F13A1: variants seen among roughly 807,000 people sequenced by gnomAD.
F13A1 encodes FSF, A subunit.
F13A1 carries 47 observed loss-of-function variants against 80.1 expected under a neutral mutation model. The ratio of observed to expected loss-of-function variants is 0.59; its 90% CI spans 0.46 to 0.75. The LOEUF (loss-of-function observed/expected upper bound fraction) is 0.75. Among genes scored for constraint, F13A1 ranks in the 30% least tolerant of loss-of-function variants. F13A1 has a pLI of 0.00. For missense variants in F13A1, 817 were observed against 930.4 expected (o/e 0.88, Z 1.59); for synonymous variants, 349 against 344.9 (o/e 1.01, Z -0.13).
At chr6:6,311,837 T>C (rs956145891) in intron 2 of F13A1, among the ~76,000 whole-genome samples, 1 of 11,386 alleles carries the variant, frequency 8.8e-5, no homozygotes, top group Non-Finnish European at 1.5e-4. Context: ...AAGCAAACTA[T>C]ATATTTGTTT....
intron 5 of F13A1, 76 bp from the exon 6 acceptor site, chr6:6,248,495 T>G: frequency 1.8e-6 from 2 of 1,113,194 alleles, no homozygotes; most frequent in Non-Finnish European, 2.7e-6. Context: ...AAAAATAACA[T>G]GAAACCACAA....
intron 13 of F13A1, among the ~76,000 whole-genome samples, chr6:6,161,363 C>T (rs1433886415): frequency 6.6e-6 from 1 of 152,166 alleles, no homozygotes; most frequent in East Asian, 1.9e-4. Flanking sequence ...CATTTACCAA[C>T]AGCTACTAGG....
At position 6,174,795 on chromosome 6, in the gene F13A1, C is replaced by A. The variant is rs1561643584; in HGVS notation, c.1532G>T (p.Gly511Val). The A allele has an allele frequency of 2.5e-6, 4 of 1,614,174 alleles. No individual in the cohort carries two copies. The highest frequency in any genetic ancestry group is 3.4e-6 in the Non-Finnish European group (4 of 1,180,038). Reference sequence around the variant, plus strand: ...AACGTTGGACCTTGATTTCATGACACCTTCTGTGTTGAGGGGCTTTTTAGC... The same window carrying A: ...AACGTTGGACCTTGATTTCATGACAACTTCTGTGTTGAGGGGCTTTTTAGC... ...YGAKKPLNTE[G>V]VMKSRSNVDM... is the part of the protein sequence containing the mutation. Residue 511 changes from glycine (G) to valine (V), a missense_variant, in exon 12 of 15, where the codon GGT becomes GTT. Physicochemically the swap from Gly to Val is moderately radical, Grantham distance 109. Coordinates refer to ENST00000264870, the MANE Select transcript of F13A1 (RefSeq NM_000129.4).
intron 14 of F13A1, among the ~76,000 whole-genome samples, chr6:6,148,498 A>T (rs1760322858): frequency 1.3e-5 from 2 of 152,182 alleles, no homozygotes; most frequent in South Asian, 4.1e-4. Flanking sequence ...GTATTCTAGA[A>T]AGAAATACGG....
At chr6:6,284,224 T>C (rs1758105497) in intron 3 of F13A1, among the ~76,000 whole-genome samples, 1 of 152,222 alleles carries the variant, frequency 6.6e-6, no homozygotes, top group South Asian at 2.1e-4. Flanking sequence ...AAAATTTGGC[T>C]AACACTCCAC....
At chr6:6,220,457 C>A (rs191736164) in intron 8 of F13A1, among the ~76,000 whole-genome samples, 13 of 152,144 alleles carry the variant, frequency 8.5e-5, no homozygotes, top group Admixed American at 7.9e-4. Context: ...GTAGGAGTGC[C>A]TCATAGGGAC....
Position 6,175,534 on chromosome 6 carries a change from C to T in F13A1, c.1460-667G>A, listed in dbSNP as rs185222903. 1.8e-3 allele frequency among the ~76,000 whole-genome samples: 267 copies of T among 152,308 alleles called. 2 individuals are homozygous for T. The highest frequency in any genetic ancestry group is 2.1e-3 in the Non-Finnish European group (146 of 68,020). On this transcript the variant is annotated intron_variant, in intron 11 of 14. Coordinates refer to ENST00000264870, the MANE Select transcript of F13A1 (RefSeq NM_000129.4). ...GGGCTCTGGCAAGACATTAAAAAGG[C>T]GACCCTGCCCAAGGTGCTCCGGTCA...
intron 13 of F13A1, among the ~76,000 whole-genome samples, chr6:6,159,433 A>T (rs1760535395): frequency 6.6e-6 from 1 of 152,204 alleles, no homozygotes; most frequent in Non-Finnish European, 1.5e-5. Context: ...TTGTTAAGAA[A>T]AAACAAGCTA....
chr6:6,294,544 A>G (rs921614155), intron 3 of F13A1, among the ~76,000 whole-genome samples: 2 of 147,560 alleles, frequency 1.4e-5, no homozygotes, highest in Non-Finnish European at 3.0e-5. Flanking sequence ...ACACACACAT[A>G]TATATATATA....
In F13A1 at chr6:6,243,893, G is replaced by A. The variant is rs74422969; in HGVS notation, c.798+4419C>T. On this transcript the variant is annotated intron_variant, in intron 6 of 14. Transcript: ENST00000264870. The surrounding 1 kb of genome is among the most constrained non-coding windows in gnomAD (Gnocchi z 4.2). Reference sequence around the variant, plus strand: ...ATAACGAGCCTTTATCTGCAGTAGCGGCAGCCTTTGCAGAAGCAGCTGCAT... The same window carrying A: ...ATAACGAGCCTTTATCTGCAGTAGCAGCAGCCTTTGCAGAAGCAGCTGCAT... 0.021 allele frequency among the ~76,000 whole-genome samples: 3,152 copies of A among 152,288 alleles called. 69 individuals carry two copies. The highest frequency in any genetic ancestry group is 0.056 in the African/African-American group (2,314 of 41,556).
intron 10 of F13A1, among the ~76,000 whole-genome samples, chr6:6,190,512 G>T (rs1303607151): frequency 6.6e-6 from 1 of 150,502 alleles, no homozygotes; most frequent in Admixed American, 6.7e-5. Flanking sequence ...CCCTGCTGGG[G>T]GGTGCCTCCC....
At chr6:6,320,147 C>T (rs1016925) in intron 1 of F13A1, among the ~76,000 whole-genome samples, 55,473 of 151,918 alleles carry the variant, frequency 0.37, 10,575 homozygotes, top group African/African-American at 0.47. Context: ...CAAATTGGGA[C>T]GGAGGCAGGC....
rs866214564 is a variant in F13A1, at chr6:6,289,454, A to G, written c.319+15897T>C. The stretch of plus-strand genomic sequence containing the variant: ...AATACACACACACACACACACACGC[A>G]CACACACATTTTACTACTTCTAGTT... On this transcript the variant is annotated intron_variant, in intron 3 of 14. Coordinates refer to ENST00000264870, the MANE Select transcript of F13A1 (RefSeq NM_000129.4). Among the ~76,000 whole-genome samples, 4 of 148,858 alleles carry G rather than the reference A, an allele frequency of 2.7e-5. No homozygotes were observed. The East Asian group carries it at 5.8e-4, about 22-fold the overall frequency.
chr6:6,301,512 G>A (rs903112278), intron 3 of F13A1, among the ~76,000 whole-genome samples: 24 of 152,142 alleles, frequency 1.6e-4, no homozygotes, highest in African/African-American at 7.2e-5. Context: ...AACTCTGAAC[G>A]CACACATCAT....
intron 2 of F13A1, among the ~76,000 whole-genome samples, chr6:6,313,221 T>C (rs1373178456): frequency 9.9e-5 from 15 of 151,954 alleles, no homozygotes; most frequent in Non-Finnish European, 2.2e-4. Flanking sequence ...GGAAATGAAT[T>C]TGCTTCCCCT....
chr6:6,176,048 C>A (rs1459712016), intron 11 of F13A1, among the ~76,000 whole-genome samples: 3 of 152,328 alleles, frequency 2.0e-5, no homozygotes, highest in Non-Finnish European at 4.4e-5. Flanking sequence ...TGGTCATCAT[C>A]CTCTTTTCCA....
intron 12 of F13A1, among the ~76,000 whole-genome samples, chr6:6,173,229 G>A (rs191230078): frequency 6.6e-6 from 1 of 152,216 alleles, no homozygotes; most frequent in East Asian, 1.9e-4. Context: ...CCCAAGGCAA[G>A]CTGTAGCACG....
At chr6:6,163,865 G>A (rs1760618128) in intron 13 of F13A1, among the ~76,000 whole-genome samples, 1 of 152,134 alleles carries the variant, frequency 6.6e-6, no homozygotes, top group South Asian at 2.1e-4. Flanking sequence ...GTAGTTCTGT[G>A]TTTAGCTCTT....
At chr6:6,283,815 T>C (rs1267499546) in intron 3 of F13A1, among the ~76,000 whole-genome samples, 1 of 152,202 alleles carries the variant, frequency 6.6e-6, no homozygotes, top group Non-Finnish European at 1.5e-5. Flanking sequence ...CTTGGCAACA[T>C]CCTATCTCTA....
Sources: allele counts gnomAD v4.1 joint callset (sites outside exome capture counted in the v4.1 genomes callset), GRCh38; gene constraint gnomAD v4.1.1; non-coding constraint Gnocchi (gnomAD v3.1); transcripts MANE v1.5; gene names NCBI Gene and HGNC (gene_info 2026-07-23, HGNC 2026-07-21).